Variants in FAM91A1 observed in about 807,000 individuals in gnomAD.
FAM91A1 encodes family with sequence similarity 91 member A1.
Under a neutral mutation model 113.5 loss-of-function variants are expected in FAM91A1, and 41 were observed. The observed-to-expected ratio is 0.36, with a 90% CI of 0.28 to 0.47. FAM91A1 has a LOEUF of 0.47. Ranked by LOEUF, FAM91A1 falls within the 20% of genes least tolerant of loss-of-function variation. FAM91A1 has a pLI of 1.00. For synonymous variants in FAM91A1, 307 were observed against 347.9 expected, an observed-to-expected ratio of 0.88 and a Z score of 1.31; for missense variants, 696 against 1,001.2, an observed-to-expected ratio of 0.70 and a Z score of 4.11.
intron 23 of FAM91A1, 143 bp downstream of exon 23, chr8:123,810,494 C>G: frequency 1.2e-6 from 1 of 866,416 alleles, no homozygotes; most frequent in East Asian, 2.5e-5. Flanking sequence ...CATTGAGATT[C>G]AAGAAGTTAA....
In FAM91A1 at chr8:123,778,056, G is replaced by C; in HGVS notation, c.399G>C (p.Gln133His). 1 of 1,612,532 alleles carries C rather than the reference G, an allele frequency of 6.2e-7. No individual in the cohort carries two copies. Among genetic ancestry groups the C allele is most frequent in the Non-Finnish European group, 8.5e-7 (1 of 1,179,320 alleles). Residue 133 changes from glutamine to histidine, a missense_variant, in exon 5 of 24, where the codon CAG becomes CAC. Transcript: ENST00000334705. ...CLRLLGIGRN[Q>H]YIDLMNQCRS... ...GGCTTCTTGGCATAGGAAGAAACCA[G>C]TATATTGATCTTATGAATCAGTGTA...
intron 16 of FAM91A1, 76 bp downstream of exon 16, chr8:123,798,314 T>G: frequency 4.5e-5 from 64 of 1,415,084 alleles, no homozygotes; most frequent in Non-Finnish European, 5.5e-5. Flanking sequence ...TATCTGCAGA[T>G]ACCAACTATT....
rs1271719205 is a variant in FAM91A1 at position 123,780,044 on chromosome 8, C to T, written c.609C>T (p.Leu203=). The change falls in exon 7 of 24, where the codon CTC becomes CTT. Residue 203 remains leucine (L), a synonymous_variant. Transcript: ENST00000334705. ...AGATCATCGATTCAGGCCCTCAACTCTCTGGATCACTAGATTACAATGTAG... is the reference window on the plus strand; with the variant it reads ...AGATCATCGATTCAGGCCCTCAACTTTCTGGATCACTAGATTACAATGTAG... ...VDKIIDSGPQ[L]SGSLDYNVVH... is the part of the protein sequence containing the mutation. The T allele has an allele frequency of 1.9e-6, 3 of 1,613,526 alleles. No homozygotes were observed. Among genetic ancestry groups the T allele is most frequent in the Non-Finnish European group, 1.7e-6 (2 of 1,179,648 alleles).
In FAM91A1 at chr8:123,813,814, C is replaced by T. The variant is rs1275151642; in HGVS notation, c.*1110C>T. On this transcript the variant is annotated 3_prime_UTR_variant, in exon 24 of 24. Coordinates refer to ENST00000334705, the MANE Select transcript of FAM91A1 (RefSeq NM_144963.4). ...AGTTACCTTCCTTGGGAAGTTTGTGCAGTGTTATAGTTTAGTTTAGCTCCT... is the reference window on the plus strand; with the variant it reads ...AGTTACCTTCCTTGGGAAGTTTGTGTAGTGTTATAGTTTAGTTTAGCTCCT... 1 of 152,844 alleles carries T rather than the reference C, an allele frequency of 6.5e-6. No homozygotes were observed. The highest frequency in any genetic ancestry group is 6.5e-5 in the Admixed American group (1 of 15,280). The allele number at this position is 152,844 out of a possible 1,614,324, so 9.5% of individuals were successfully genotyped here. A position where few individuals can be genotyped will look rare whatever the true frequency, so the allele number is the denominator to read the frequency against.
In FAM91A1 at chr8:123,798,195, C is replaced by T; in HGVS notation, c.1517C>T (p.Pro506Leu). 6.2e-7 allele frequency: 1 copy of T among 1,614,030 alleles called. No individual in the cohort carries two copies. ...TACACGCTGCTTGTTTCCATGGCTC[C>T]CCTCACCAATGAAATCCGGCCTGTC... Reference protein sequence around the residue: ...KNYTLLVSMAPLTNEIRPVSS... With the variant: ...KNYTLLVSMALLTNEIRPVSS... The change falls in exon 16 of 24, where the codon CCC becomes CTC. Residue 506 changes from proline to leucine, a missense_variant. Pro to Leu is a moderately conservative substitution (Grantham distance 98). Transcript: ENST00000334705.
intron 18 of FAM91A1, among the ~76,000 whole-genome samples, chr8:123,802,898 G>A (rs1815721054): frequency 6.6e-6 from 1 of 152,212 alleles, no homozygotes; most frequent in Non-Finnish European, 1.5e-5. Flanking sequence ...AATGACTTGA[G>A]CACTGTGTTT....
chr8:123,810,601 CTTT>C (rs1815929732), intron 23 of FAM91A1: 2 of 542,234 alleles, frequency 3.7e-6, no homozygotes, highest in African/African-American at 2.0e-5. Flanking sequence ...TGTTAAGTGT[CTTT>C]TATGGGCTGT....
At chr8:123,768,799 C>G in intron 1 of FAM91A1, 25 bp downstream of exon 1, 1 of 1,606,126 alleles carries the variant, frequency 6.2e-7, no homozygotes, top group Non-Finnish European at 8.5e-7. Flanking sequence ...TGGGACCGGG[C>G]CCCTGACGGA....
chr8:123,787,588 T>G, intron 13 of FAM91A1, 76 bp from the exon 14 acceptor site: 7 of 1,219,746 alleles, frequency 5.7e-6, no homozygotes, highest in Non-Finnish European at 8.0e-6. Context: ...TTTGAAAGGA[T>G]AATATAAATA....
intron 11 of FAM91A1, 151 bp from the exon 12 acceptor site, chr8:123,786,344 G>A (rs1483273852): frequency 2.6e-5 from 16 of 618,620 alleles, no homozygotes; most frequent in Non-Finnish European, 3.8e-5. Flanking sequence ...TATGTAGGCA[G>A]AGCATTTTTG....
chr8:123,768,880 C>T (rs1351139509), intron 1 of FAM91A1, 106 bp downstream of exon 1: 16 of 1,122,504 alleles, frequency 1.4e-5, no homozygotes, highest in East Asian at 2.6e-5. Context: ...GGCTGACTCC[C>T]TTCCTTTACT....
At chr8:123,797,190 CA>C (rs1003853610) in intron 15 of FAM91A1, among the ~76,000 whole-genome samples, 7 of 152,070 alleles carry the variant, frequency 4.6e-5, no homozygotes, top group Admixed American at 2.0e-4. Flanking sequence ...AAAGCAGTGC[CA>C]GAAAATAAAT....
At chr8:123,809,674 A>C (rs1177577660) in intron 22 of FAM91A1, among the ~76,000 whole-genome samples, 1 of 152,228 alleles carries the variant, frequency 6.6e-6, no homozygotes, top group Admixed American at 6.5e-5. Flanking sequence ...CTTATTTTAG[A>C]AAATGAAGTT....
intron 23 of FAM91A1, chr8:123,811,459 CTGTT>C (rs1815950834): frequency 6.6e-6 from 1 of 152,122 alleles, no homozygotes; most frequent in African/African-American, 2.4e-5. Flanking sequence ...ACTGGCCTGT[CTGTT>C]GTGGCAGTGA....
chr8:123,805,011 C>T (rs1231342003), intron 18 of FAM91A1, among the ~76,000 whole-genome samples: 1 of 152,168 alleles, frequency 6.6e-6, no homozygotes, highest in African/African-American at 2.4e-5. Context: ...TTGGCTAACA[C>T]CTGATTTGCC....
chr8:123,814,708 G>T lies in FAM91A1; in HGVS notation c.*2004G>T, dbSNP rs1816033376. ...AGCTGAAGACCTCTGGTCCTCTTAAGGAGGGAGAGTGCATTTTTAGAGCTT... is the reference window on the plus strand; with the variant it reads ...AGCTGAAGACCTCTGGTCCTCTTAATGAGGGAGAGTGCATTTTTAGAGCTT... On this transcript the variant is annotated 3_prime_UTR_variant, in exon 24 of 24. Coordinates refer to ENST00000334705, the MANE Select transcript of FAM91A1 (RefSeq NM_144963.4). The T allele has an allele frequency of 6.9e-6, 1 of 144,940 alleles. No homozygotes were observed. The highest frequency in any genetic ancestry group is 1.6e-5 in the Non-Finnish European group (1 of 63,716). 9.0% of individuals were successfully genotyped at this position (144,940 alleles called of 1,614,324 possible).
intron 23 of FAM91A1, chr8:123,810,737 T>C: frequency 4.9e-6 from 1 of 203,842 alleles, no homozygotes; most frequent in Non-Finnish European, 9.7e-6. Context: ...TTCTTGTTTT[T>C]CCCCCATCCC....
At chr8:123,796,112 A>G (rs886702370) in intron 15 of FAM91A1, among the ~76,000 whole-genome samples, 2 of 152,176 alleles carry the variant, frequency 1.3e-5, no homozygotes, top group African/African-American at 4.8e-5. Flanking sequence ...CACTGAAGGC[A>G]TTGAAGTGAT....
At chr8:123,768,907 G>A in intron 1 of FAM91A1, 133 bp downstream of exon 1, 1 of 905,554 alleles carries the variant, frequency 1.1e-6, no homozygotes, top group South Asian at 1.5e-5. Context: ...TGGTCTTGGG[G>A]AGACGGACCT....
Sources: allele counts gnomAD v4.1 joint callset (sites outside exome capture counted in the v4.1 genomes callset), GRCh38; gene constraint gnomAD v4.1.1; transcripts MANE v1.5; gene names NCBI Gene and HGNC (gene_info 2026-07-23, HGNC 2026-07-21).